PTPRR: variants seen among roughly 807,000 people sequenced by gnomAD.
PTPRR encodes the protein receptor-type tyrosine-protein phosphatase R.
A neutral mutation model predicts 77.2 loss-of-function variants in PTPRR; 38 were observed. The ratio of observed to expected loss-of-function variants is 0.49; its 90% confidence interval spans 0.38 to 0.65. PTPRR has a LOEUF of 0.65. Ranked by LOEUF, PTPRR falls within the 30% of genes least tolerant of loss-of-function variation. PTPRR has a pLI of 0.00. For synonymous variants in PTPRR, 299 were observed against 283.1 expected (o/e 1.06, Z -0.57); for missense variants, 744 against 799.2 (o/e 0.93, Z 0.83).
chr12:70,812,409 T>C (rs979858919), intron 2 of PTPRR, among the ~76,000 whole-genome samples: 7 of 152,222 alleles, frequency 4.6e-5, no homozygotes, highest in African/African-American at 1.7e-4. Flanking sequence ...TGATTTACTA[T>C]CCCAGGTGGA....
chr12:70,765,318 T>A (rs1395875544), intron 2 of PTPRR, among the ~76,000 whole-genome samples: 1 of 152,128 alleles, frequency 6.6e-6, no homozygotes, highest in Non-Finnish European at 1.5e-5. Context: ...AATACTGCGC[T>A]TTTCCGACGG....
At chr12:70,920,194 C>A in intron 1 of PTPRR, 139 bp downstream of exon 1, 1 of 852,158 alleles carries the variant, frequency 1.2e-6, no homozygotes, top group South Asian at 1.6e-5. Context: ...ACTCCCTCAC[C>A]CCTTCCCTGT....
chr12:70,745,540 A>T (rs188874193), intron 6 of PTPRR, among the ~76,000 whole-genome samples: 2 of 152,332 alleles, frequency 1.3e-5, no homozygotes, highest in East Asian at 3.9e-4. Context: ...GTGAACCTCA[A>T]TAAGCTAGAA....
intron 1 of PTPRR, among the ~76,000 whole-genome samples, chr12:70,913,312 G>A (rs1436666716): frequency 6.6e-6 from 1 of 152,102 alleles, no homozygotes; most frequent in Non-Finnish European, 1.5e-5. Flanking sequence ...CATTTTGTGT[G>A]ATGATTTGGT....
At chr12:70,905,153 T>C (rs1010636995) in intron 1 of PTPRR, among the ~76,000 whole-genome samples, 1 of 151,660 alleles carries the variant, frequency 6.6e-6, no homozygotes, top group Non-Finnish European at 1.5e-5. Context: ...ATTTATTTCA[T>C]TATAGGTAGA....
intron 11 of PTPRR, 72 bp downstream of exon 11, chr12:70,662,423 A>G: frequency 1.2e-6 from 1 of 841,626 alleles, no homozygotes; most frequent in Non-Finnish European, 1.8e-6. Flanking sequence ...TAGTACTTAA[A>G]TAATTTCAAA....
chr12:70,796,505 A>C (rs1056419108), intron 2 of PTPRR, among the ~76,000 whole-genome samples: 1 of 152,184 alleles, frequency 6.6e-6, no homozygotes, highest in African/African-American at 2.4e-5. Context: ...ATCAGTGCTA[A>C]AGATAATCAT....
intron 8 of PTPRR, among the ~76,000 whole-genome samples, chr12:70,696,195 A>G (rs148121133): frequency 1.2e-4 from 18 of 145,586 alleles, no homozygotes; most frequent in Non-Finnish European, 2.4e-4. Context: ...TTTTTTGCCT[A>G]ATTTCTCTGG....
intron 6 of PTPRR, among the ~76,000 whole-genome samples, chr12:70,728,202 A>AT (rs113954383): frequency 1.3e-3 from 165 of 127,766 alleles, no homozygotes; most frequent in Non-Finnish European, 1.7e-3. Flanking sequence ...CAGATTTTGG[A>AT]TTTTTTTTTT....
chr12:70,670,426 T>C (rs563508952), intron 10 of PTPRR, among the ~76,000 whole-genome samples: 2 of 152,344 alleles, frequency 1.3e-5, no homozygotes, highest in East Asian at 3.9e-4. Flanking sequence ...AGGCTCTCAT[T>C]CTCTCTGAGC....
chr12:70,884,634 G>A (rs914443849), intron 2 of PTPRR, among the ~76,000 whole-genome samples: 8 of 151,892 alleles, frequency 5.3e-5, no homozygotes, highest in Admixed American at 2.6e-4. Context: ...TTGGAAGGCC[G>A]AGGCGGGCGG....
At chr12:70,746,478 G>A (rs899442081) in intron 5 of PTPRR, among the ~76,000 whole-genome samples, 2 of 152,084 alleles carry the variant, frequency 1.3e-5, no homozygotes, top group Non-Finnish European at 1.5e-5. Flanking sequence ...CATCCAACAT[G>A]GCTTAGTAGA....
intron 2 of PTPRR, among the ~76,000 whole-genome samples, chr12:70,866,247 G>C (rs11178458): frequency 0.47 from 71,420 of 151,660 alleles, 17,491 homozygotes; most frequent in East Asian, 0.61. Flanking sequence ...AATCCAGGAG[G>C]TGGTTTTGTG....
intron 2 of PTPRR, among the ~76,000 whole-genome samples, chr12:70,795,683 G>A (rs1425229922): frequency 6.6e-6 from 1 of 151,898 alleles, no homozygotes; most frequent in Admixed American, 6.6e-5. Flanking sequence ...CAAAGCCAGC[G>A]GCAAAATTTT....
intron 2 of PTPRR, among the ~76,000 whole-genome samples, chr12:70,874,426 G>C (rs1211747312): frequency 6.6e-6 from 1 of 152,140 alleles, no homozygotes; most frequent in Non-Finnish European, 1.5e-5. Context: ...GAATGATCTG[G>C]AGTTGTACAG....
chr12:70,767,499 A>G (rs1359096192), intron 2 of PTPRR, among the ~76,000 whole-genome samples: 2 of 152,016 alleles, frequency 1.3e-5, no homozygotes, highest in African/African-American at 4.8e-5. Context: ...ATACAGGAGC[A>G]CCCAGATTCA....
intron 2 of PTPRR, among the ~76,000 whole-genome samples, chr12:70,792,374 T>G (rs1433180515): frequency 1.3e-5 from 2 of 152,194 alleles, no homozygotes; most frequent in African/African-American, 4.8e-5. Context: ...CATATTTAAT[T>G]TTTCAACTAT....
chr12:70,645,826 GA>G (rs34675980), intron 13 of PTPRR, among the ~76,000 whole-genome samples: 1 of 150,736 alleles, frequency 6.6e-6, no homozygotes, highest in Non-Finnish European at 1.5e-5. Context: ...GTTAGAAAGG[GA>G]AAAAAAAATG....
At chr12:70,862,954 C>T (rs955137273) in intron 2 of PTPRR, among the ~76,000 whole-genome samples, 2 of 151,994 alleles carry the variant, frequency 1.3e-5, no homozygotes, top group Non-Finnish European at 2.9e-5. Flanking sequence ...TTTACCATAG[C>T]AATTGACAGA....
Sources: allele counts gnomAD v4.1 joint callset (sites outside exome capture counted in the v4.1 genomes callset), GRCh38; gene constraint gnomAD v4.1.1; transcripts MANE v1.5; gene names NCBI Gene and HGNC (gene_info 2026-07-23, HGNC 2026-07-21).